SLC25A46: variants seen among roughly 807,000 people sequenced by gnomAD.
The protein encoded by SLC25A46 is solute carrier family 25 member 46, also known as mitochondrial outer membrane protein SLC25A46.
SLC25A46 carries 39 observed loss-of-function variants against 44.6 expected under a neutral mutation model. The observed-to-expected ratio is 0.87, with a 90% CI of 0.68 to 1.14. SLC25A46 has a LOEUF of 1.14. SLC25A46 is among the 50% of genes most tolerant of loss of function. SLC25A46 has a pLI of 0.00. For synonymous variants in SLC25A46, 202 were observed against 185.8 expected (o/e 1.09, Z -0.71); for missense variants, 547 against 522.7 (o/e 1.05, Z -0.45).
Position 110,748,145 on chromosome 5 carries a change from G to C in SLC25A46, c.463-18G>C. 6.3e-7 allele frequency: 1 copy of C among 1,575,724 alleles called. No individual in the cohort carries two copies. The highest frequency in any genetic ancestry group is 8.7e-7 in the Non-Finnish European group (1 of 1,146,340). The stretch of plus-strand genomic sequence containing the variant: ...ATGTAGGTATTAACAGAAATAACAT[G>C]AATTTTGTTCAATTTAGGGACCTAG... On this transcript the variant is annotated intron_variant, in intron 4 of 7. Coordinates refer to ENST00000355943, the MANE Select transcript of SLC25A46 (RefSeq NM_138773.4).
In SLC25A46 at chr5:110,743,732, T is replaced by A; in HGVS notation, c.329T>A (p.Leu110His). Reference sequence around the variant, plus strand: ...ATACATAAATTATTTTTATATAGTCTCTTTACAGAAAATGTATTGGCACAT... The same window carrying A: ...ATACATAAATTATTTTTATATAGTCACTTTACAGAAAATGTATTGGCACAT... ...FAGFGIGLASLFTENVLAHPC... is the reference protein window; with the variant it reads ...FAGFGIGLASHFTENVLAHPC... Residue 110 changes from leucine to histidine, a missense_variant and splice_region_variant, in exon 3 of 8, where the codon CTC (leucine) becomes CAC (histidine). By Grantham distance (99) the Leu-to-His change is moderately conservative. Transcript: ENST00000355943. The A allele has an allele frequency of 6.3e-7, 1 of 1,588,718 alleles. No individual in the cohort carries two copies. Among genetic ancestry groups the A allele is most frequent in the Non-Finnish European group, 8.6e-7 (1 of 1,161,956 alleles).
intron 5 of SLC25A46, among the ~76,000 whole-genome samples, chr5:110,752,332 C>G (rs1799985858): frequency 6.6e-6 from 1 of 152,130 alleles, no homozygotes; most frequent in Non-Finnish European, 1.5e-5. Flanking sequence ...AAACCCTTCC[C>G]TGTTCTCTCT....
In SLC25A46 at chr5:110,743,799, T is replaced by G. The variant is rs7736017; in HGVS notation, c.384+12T>G. ...GCCGCCAATGTCAGGTAAATGTAATTTCTGTGATCTTTTGAAGCAATACTT... is the reference window on the plus strand; with the variant it reads ...GCCGCCAATGTCAGGTAAATGTAATGTCTGTGATCTTTTGAAGCAATACTT... On this transcript the variant is annotated intron_variant, in intron 3 of 7. Coordinates refer to ENST00000355943, the MANE Select transcript of SLC25A46 (RefSeq NM_138773.4). 10,546 of 1,599,626 alleles carry G rather than the reference T, an allele frequency of 6.6e-3. 552 individuals are homozygous for G. In the African/African-American group the frequency reaches 0.12, roughly 18 times the overall value.
chr5:110,749,381 G>T (rs956019291), intron 5 of SLC25A46, among the ~76,000 whole-genome samples: 2 of 151,836 alleles, frequency 1.3e-5, no homozygotes, highest in African/African-American at 4.8e-5. Context: ...TGGGTATTGT[G>T]GCATAAAAGT....
At chr5:110,742,115 C>CATCTTTAGATAAATAA in intron 2 of SLC25A46, 26 bp downstream of exon 2, 1 of 1,482,032 alleles carries the variant, frequency 6.7e-7, no homozygotes, top group East Asian at 2.4e-5. Flanking sequence ...AAGACGTTTA[C>CATCTTTAGATAAATAA]AGCTTTTATT....
At chr5:110,738,180 C>T (rs1011163168), upstream of SLC25A46, 10 of 1,268,986 alleles carry the variant, frequency 7.9e-6, no homozygotes, top group African/African-American at 1.4e-4. Context: ...TAGGATGAAA[C>T]CATGGAAGTC....
intron 1 of SLC25A46, among the ~76,000 whole-genome samples, chr5:110,740,107 G>A (rs1799611936): frequency 6.6e-6 from 1 of 152,078 alleles, no homozygotes; most frequent in African/African-American, 2.4e-5. Flanking sequence ...TAGGACTTCG[G>A]AATCATGACA....
intron 6 of SLC25A46, 139 bp from the exon 7 acceptor site, chr5:110,756,563 A>G (rs1800118410): frequency 1.9e-6 from 1 of 515,652 alleles, no homozygotes; most frequent in South Asian, 3.5e-5. Flanking sequence ...TTTAGGCTGT[A>G]GGTATTAATA....
intron 4 of SLC25A46, 93 bp downstream of exon 4, chr5:110,746,439 T>C: frequency 1.2e-6 from 1 of 800,406 alleles, no homozygotes; most frequent in Non-Finnish European, 2.0e-6. Flanking sequence ...TTCAGTTTGG[T>C]CAATAAAACA....
rs540175270 is a variant in SLC25A46 at position 110,757,743 on chromosome 5, G to A, written c.678+984G>A. On this transcript the variant is annotated intron_variant, in intron 7 of 7. Transcript: ENST00000355943. ...ATGGTGCTATAGAATTTACAGAGTTGTCACTTGTATGAGATAGCCTCATTT... is the reference window on the plus strand; with the variant it reads ...ATGGTGCTATAGAATTTACAGAGTTATCACTTGTATGAGATAGCCTCATTT... Among the ~76,000 whole-genome samples the A allele has an allele frequency of 1.4e-4, 22 of 152,164 alleles. No individual in the cohort carries two copies. The South Asian group carries it at 4.4e-3, about 30-fold the overall frequency.
chr5:110,746,620 A>G (rs1001464192), intron 4 of SLC25A46, among the ~76,000 whole-genome samples: 1 of 152,218 alleles, frequency 6.6e-6, no homozygotes, highest in Non-Finnish European at 1.5e-5. Flanking sequence ...AAATCTTTGA[A>G]GATTGTGCTG....
chr5:110,739,170 T>C lies in SLC25A46; in HGVS notation c.51T>C (p.Gly17=). Residue 17 remains glycine (G), a synonymous_variant, in exon 1 of 8, where the codon GGT becomes GGC. Transcript: ENST00000355943. The part of the protein sequence containing the change: ...DGFDGLGYRG[G]ARDEQGFGGA... Reference sequence around the variant, plus strand: ...TTGATGGCTTGGGCTACCGGGGTGGTGCCCGGGACGAGCAGGGCTTTGGCG... The same window carrying C: ...TTGATGGCTTGGGCTACCGGGGTGGCGCCCGGGACGAGCAGGGCTTTGGCG... The C allele has an allele frequency of 6.4e-7, 1 of 1,550,452 alleles. No individual in the cohort carries two copies. Among genetic ancestry groups the C allele is most frequent in the South Asian group, 1.2e-5 (1 of 84,066 alleles).
At chr5:110,738,407 C>T (rs114440759), upstream of SLC25A46, among the ~76,000 whole-genome samples, 1,155 of 152,168 alleles carry the variant, frequency 7.6e-3, 13 homozygotes, top group African/African-American at 0.025. Flanking sequence ...AAAAGGAAAA[C>T]GCGTAATTTC....
chr5:110,751,772 G>A (rs1373113220), intron 5 of SLC25A46, among the ~76,000 whole-genome samples: 2 of 152,154 alleles, frequency 1.3e-5, no homozygotes, highest in Non-Finnish European at 2.9e-5. Flanking sequence ...AATATACTTA[G>A]GTCAAACTGA....
At chr5:110,751,238 A>G (rs1270240483) in intron 5 of SLC25A46, among the ~76,000 whole-genome samples, 1 of 152,230 alleles carries the variant, frequency 6.6e-6, no homozygotes, top group Non-Finnish European at 1.5e-5. Flanking sequence ...TCAGAATCTA[A>G]TAAAAGTACA....
At chr5:110,754,413 A>T (rs1379430599) in intron 5 of SLC25A46, 109 of 68,482 alleles carry the variant, frequency 1.6e-3, no homozygotes, top group East Asian at 1.9e-3. Context: ...TTTTTTTTTT[A>T]CCCTCTATAA....
Position 110,739,534 on chromosome 5 carries a change from G to C in SLC25A46, c.283+132G>C. On this transcript the variant is annotated intron_variant, in intron 1 of 7. Coordinates refer to ENST00000355943, the MANE Select transcript of SLC25A46 (RefSeq NM_138773.4). Reference sequence around the variant, plus strand: ...CATCCTATCGCGCGCCACACCCTTTGCCCTCCTTTGGTCCTCTGCCCCTGA... The same window carrying C: ...CATCCTATCGCGCGCCACACCCTTTCCCCTCCTTTGGTCCTCTGCCCCTGA... 4.7e-6 allele frequency: 6 copies of C among 1,274,482 alleles called. No individual in the cohort carries two copies. In the South Asian group the frequency reaches 9.4e-5, roughly 20 times the overall value. The allele number at this position is 1,274,482 out of a possible 1,614,324, so 78.9% of individuals were successfully genotyped here. A position where few individuals can be genotyped will look rare whatever the true frequency, so the allele number is the denominator to read the frequency against.
chr5:110,738,302 T>C, upstream of SLC25A46: 1 of 1,245,520 alleles, frequency 8.0e-7, no homozygotes, highest in Non-Finnish European at 1.0e-6. Flanking sequence ...GAGGTCCCAA[T>C]TTTGAACGAT....
rs776723470 is a variant in SLC25A46, at chr5:110,764,617, T to C, written c.*2835T>C. 3.9e-5 allele frequency: 6 copies of C among 152,008 alleles called. No individual in the cohort carries two copies. The highest frequency in any genetic ancestry group is 3.4e-3 in the Middle Eastern group (1 of 294). The allele number at this position is 152,008 out of a possible 1,614,324, so 9.4% of individuals were successfully genotyped here. A position where few individuals can be genotyped will look rare whatever the true frequency, so the allele number is the denominator to read the frequency against. ...TGCACAAAGCATTCACTTTATTGAT[T>C]GAGTACAAATGCTTTAGTGTTTCTA... On this transcript the variant is annotated 3_prime_UTR_variant, in exon 8 of 8. Coordinates refer to ENST00000355943, the MANE Select transcript of SLC25A46 (RefSeq NM_138773.4).
Sources: allele counts gnomAD v4.1 joint callset (sites outside exome capture counted in the v4.1 genomes callset), GRCh38; gene constraint gnomAD v4.1.1; transcripts MANE v1.5; gene names NCBI Gene and HGNC (gene_info 2026-07-23, HGNC 2026-07-21).